Variants in OPA1 observed in about 807,000 individuals in gnomAD.
OPA1 encodes the protein OPA1 mitochondrial dynamin like GTPase.
In OPA1, 59 loss-of-function variants were observed where a neutral mutation model predicts 152.9. The observed-to-expected ratio is 0.39, with a 90% CI of 0.31 to 0.48. The LOEUF (loss-of-function observed/expected upper bound fraction) is 0.48, where lower values mean the gene tolerates loss of function less well. Among genes scored for constraint, OPA1 ranks in the 20% least tolerant of loss-of-function variants. The pLI is 0.96. For synonymous variants in OPA1, 400 were observed against 389.9 expected (o/e 1.03, Z -0.31); for missense variants, 1,008 against 1,216.8 (o/e 0.83, Z 2.55).
chr3:193,631,225 T>G (rs1418235111), intron 7 of OPA1, among the ~76,000 whole-genome samples: 1 of 152,200 alleles, frequency 6.6e-6, no homozygotes, highest in African/African-American at 2.4e-5. Flanking sequence ...TCAAAACACA[T>G]TTCTGGAGGG....
intron 6 of OPA1, among the ~76,000 whole-genome samples, chr3:193,623,654 A>G (rs1730554126): frequency 6.6e-6 from 1 of 152,118 alleles, no homozygotes; most frequent in Non-Finnish European, 1.5e-5. Context: ...ACTGTATTTT[A>G]TATATTATAT....
rs188920777 is a variant in OPA1 at position 193,643,702 on chromosome 3, T to A, written c.1477+75T>A. ...CAATCCAAGCTTTGCATTAAATAGT[T>A]TGTGTTATGTAAACATACAAGATAA... On this transcript the variant is annotated intron_variant, in intron 15 of 30. Transcript: ENST00000361510. The A allele has an allele frequency of 5.0e-5, 64 of 1,287,962 alleles. No individual in the cohort carries two copies. In the African/African-American group the frequency reaches 8.6e-4, roughly 17 times the overall value. 79.8% of individuals were successfully genotyped at this position (1,287,962 alleles called of 1,614,324 possible). A position where few individuals can be genotyped will look rare whatever the true frequency, so the allele number is the denominator to read the frequency against.
At chr3:193,652,849 G>A (rs1410281926) in intron 21 of OPA1, among the ~76,000 whole-genome samples, 2 of 152,132 alleles carry the variant, frequency 1.3e-5, no homozygotes, top group Non-Finnish European at 2.9e-5. Context: ...TGCATCTGTG[G>A]ATGTCAAAGC....
At chr3:193,633,044 C>A (rs1390759294) in intron 8 of OPA1, among the ~76,000 whole-genome samples, 1 of 152,040 alleles carries the variant, frequency 6.6e-6, no homozygotes, top group South Asian at 2.1e-4. Flanking sequence ...TCTTTGGTAT[C>A]TATTTATTGA....
At chr3:193,657,914 C>G (rs1393102180) in intron 23 of OPA1, among the ~76,000 whole-genome samples, 1 of 152,138 alleles carries the variant, frequency 6.6e-6, no homozygotes, top group Admixed American at 6.6e-5. Context: ...TGGGAAAATG[C>G]AGAGCTGGTT....
At chr3:193,628,930 T>C (rs1478155054) in intron 7 of OPA1, among the ~76,000 whole-genome samples, 1 of 152,252 alleles carries the variant, frequency 6.6e-6, no homozygotes, top group Non-Finnish European at 1.5e-5. Context: ...ACTCTTTTTT[T>C]GAGACGGAGT....
chr3:193,614,652 GCT>G, intron 1 of OPA1, 69 bp from the exon 2 acceptor site: 1 of 1,135,070 alleles, frequency 8.8e-7, no homozygotes. Context: ...TTAGTATATT[GCT>G]CTTTTAATGT....
intron 3 of OPA1, 99 bp downstream of exon 3, chr3:193,615,869 C>T (rs1000870477): frequency 3.2e-5 from 25 of 782,908 alleles, no homozygotes; most frequent in East Asian, 4.9e-5. Context: ...TAATATATCA[C>T]GGTTTTATTT....
At chr3:193,631,562 A>G (rs758954097) in intron 7 of OPA1, 50 bp from the exon 8 acceptor site, 97 of 1,388,298 alleles carry the variant, frequency 7.0e-5, no homozygotes, top group Middle Eastern at 1.8e-4. Flanking sequence ...CTTGCTGTAC[A>G]TTCTGTATAA....
chr3:193,642,884 A>T (rs754870493), intron 12 of OPA1, 39 bp downstream of exon 12: 1 of 1,561,972 alleles, frequency 6.4e-7, no homozygotes, highest in Admixed American at 1.7e-5. Context: ...GTGTAATTTT[A>T]TAACCTGGAT....
At position 193,660,833 on chromosome 3, in the gene OPA1, G is replaced by A. The variant is rs75604189; in HGVS notation, c.2520+1272G>A. 7.9e-4 allele frequency among the ~76,000 whole-genome samples: 121 copies of A among 152,232 alleles called. 1 individual carries two copies. Among genetic ancestry groups the A allele is most frequent in the African/African-American group, 2.8e-3 (116 of 41,544 alleles). ...CGTTGGTTATCTCTGCTCTACAGAT[G>A]GGCCGAGAGAAGGAGGTCTGTCAGA... On this transcript the variant is annotated intron_variant, in intron 25 of 30. Coordinates refer to ENST00000361510, the MANE Select transcript of OPA1 (RefSeq NM_130837.3).
intron 1 of OPA1, among the ~76,000 whole-genome samples, chr3:193,600,461 T>C (rs6800240): frequency 0.5 from 75,402 of 152,050 alleles, 19,080 homozygotes; most frequent in African/African-American, 0.57. Context: ...GAGTATACAG[T>C]GCACCAAGGG....
rs1261850341 is a variant in OPA1 at position 193,644,016 on chromosome 3, G to A, written c.1519G>A (p.Val507Ile). The A allele has an allele frequency of 5.0e-6, 8 of 1,613,570 alleles. No homozygotes were observed. Among genetic ancestry groups the A allele is most frequent in the Non-Finnish European group, 6.8e-6 (8 of 1,179,806 alleles). Residue 507 changes from valine to isoleucine, a missense_variant, in exon 16 of 31, where the codon GTC (valine) becomes ATC (isoleucine). By Grantham distance (29) the Val-to-Ile change is conservative (BLOSUM62 3). Around this residue, in one of 7 missense-constraint regions of OPA1, gnomAD observed 213 missense variants for 291.4 expected, o/e 0.73. Transcript: ENST00000361510. The stretch of plus-strand genomic sequence containing the variant: ...TGAACGCAGTATTGTTACAGACTTG[G>A]TCAGTCAAATGGACCCTCATGGAAG... ...DAERSIVTDL[V>I]SQMDPHGRRT... is the part of the protein sequence containing the mutation.
intron 25 of OPA1, among the ~76,000 whole-genome samples, chr3:193,661,413 C>G (rs1419163125): frequency 6.6e-6 from 1 of 152,174 alleles, no homozygotes; most frequent in Non-Finnish European, 1.5e-5. Context: ...CTCTCCTTCT[C>G]TATCCTTTCT....
intron 22 of OPA1, 129 bp downstream of exon 22, chr3:193,655,156 A>C (rs966917034): frequency 2.8e-5 from 23 of 830,442 alleles, no homozygotes; most frequent in Middle Eastern, 3.0e-4. Flanking sequence ...TTTATTCTTT[A>C]TTCCTCATCT....
chr3:193,678,054 A>C (rs1719476779), intron 29 of OPA1, among the ~76,000 whole-genome samples: 1 of 152,174 alleles, frequency 6.6e-6, no homozygotes, highest in African/African-American at 2.4e-5. Flanking sequence ...AGATTGTTTC[A>C]TTGTTACCTC....
intron 1 of OPA1, among the ~76,000 whole-genome samples, chr3:193,597,550 G>A (rs914585103): frequency 6.6e-6 from 1 of 152,010 alleles, no homozygotes; most frequent in African/African-American, 2.4e-5. Flanking sequence ...AAGTAGCCAG[G>A]TGTGGTGGCA....
chr3:193,654,978 T>A lies in OPA1; in HGVS notation c.2129T>A (p.Ile710Asn). 6.2e-7 allele frequency: 1 copy of A among 1,613,988 alleles called. No individual in the cohort carries two copies. Among genetic ancestry groups the A allele is most frequent in the Non-Finnish European group, 8.5e-7 (1 of 1,179,936 alleles). ...NSGTFNTTVD[I>N]KLKQWTDKQL... ...GGAACTTTTAACACCACAGTGGATA[T>A]CAAGCTTAAACAGTGGACTGATAAA... is the stretch of plus-strand genomic sequence containing the variant. The change falls in exon 22 of 31, where the codon ATC becomes AAC. Residue 710 changes from isoleucine to asparagine, a missense_variant. By Grantham distance (149) the Ile-to-Asn change is moderately radical. This residue lies in a region of OPA1 where 229 missense variants were observed against 269.0 expected (regional missense o/e 0.85). Transcript: ENST00000361510.
chr3:193,667,286 T>A lies in OPA1; in HGVS notation c.2983+6T>A, dbSNP rs1577335678. ...TCAACTGGCGGAAGACCTCAGTGAG[T>A]AGTTCTTACTGCCCTCTACCTTACT... On this transcript the variant is annotated splice_donor_region_variant and intron_variant, in intron 29 of 30. Coordinates refer to ENST00000361510, the MANE Select transcript of OPA1 (RefSeq NM_130837.3). 7 of 1,217,452 alleles carry A rather than the reference T, an allele frequency of 5.7e-6. No individual in the cohort carries two copies. Among genetic ancestry groups the A allele is most frequent in the Non-Finnish European group, 7.3e-6 (6 of 817,268 alleles). The allele number at this position is 1,217,452 out of a possible 1,614,324, so 75.4% of individuals were successfully genotyped here.
Sources: gnomAD v4.1 joint callset for allele counts (sites outside exome capture counted in the v4.1 genomes callset) on GRCh38, gnomAD v4.1.1 for gene constraint, gnomAD v4.1.1 regional missense constraint, MANE v1.5 for transcripts, NCBI Gene and HGNC (gene_info 2026-07-23, HGNC 2026-07-21) for gene names.